Variants in PTPRN2 observed in about 807,000 individuals in gnomAD.
PTPRN2 encodes protein tyrosine phosphatase receptor type N2.
A neutral mutation model predicts 118.8 loss-of-function variants in PTPRN2; 74 were observed. The ratio of observed to expected loss-of-function variants is 0.62; its 90% CI spans 0.52 to 0.76. The LOEUF is 0.76. PTPRN2 is among the 30% of genes least tolerant of loss of function. The probability of loss-of-function intolerance (pLI) is 0.00; values close to 1 mark genes in which losing one functional copy is unlikely to be tolerated. For synonymous variants in PTPRN2, 641 were observed against 608.0 expected, an observed-to-expected ratio of 1.05 and a Z score of -0.80; for missense variants, 1,481 against 1,394.4, an observed-to-expected ratio of 1.06 and a Z score of -0.99.
chr7:158,340,402 ACCCGC>A (rs1806461927), intron 2 of PTPRN2, among the ~76,000 whole-genome samples: 1 of 64,594 alleles, frequency 1.5e-5, no homozygotes. Flanking sequence ...AAGAGCTGAC[ACCCGC>A]AGACGTCACT....
intron 2 of PTPRN2, among the ~76,000 whole-genome samples, chr7:158,379,207 C>T (rs975804357): frequency 2.6e-5 from 4 of 152,180 alleles, no homozygotes; most frequent in Non-Finnish European, 4.4e-5. Context: ...GTAGGATGCT[C>T]CCTCCAGCAG....
intron 11 of PTPRN2, among the ~76,000 whole-genome samples, chr7:157,927,190 C>G (rs1352847471): frequency 2.0e-5 from 2 of 101,446 alleles, no homozygotes; most frequent in East Asian, 3.0e-4. Flanking sequence ...GGCCTCGCGT[C>G]TTCTGGGACC....
At chr7:158,270,592 G>T (rs1798247078) in intron 3 of PTPRN2, among the ~76,000 whole-genome samples, 1 of 152,088 alleles carries the variant, frequency 6.6e-6, no homozygotes, top group South Asian at 2.1e-4. Context: ...AGGGGAAACT[G>T]AGTCCTTTCA....
intron 6 of PTPRN2, among the ~76,000 whole-genome samples, chr7:158,156,547 C>T (rs1325803205): frequency 6.6e-6 from 1 of 152,232 alleles, no homozygotes; most frequent in Admixed American, 6.5e-5. Context: ...GTAATGGGAA[C>T]AGTTACCTCG....
intron 12 of PTPRN2, among the ~76,000 whole-genome samples, chr7:157,829,398 C>T (rs978922298): frequency 2.6e-5 from 4 of 152,202 alleles, no homozygotes; most frequent in Non-Finnish European, 4.4e-5. Flanking sequence ...TCATCTGGGG[C>T]GCTCTTTTTG....
At chr7:158,269,544 A>AT (rs2150955402) in intron 3 of PTPRN2, among the ~76,000 whole-genome samples, 1 of 152,346 alleles carries the variant, frequency 6.6e-6, no homozygotes, top group South Asian at 2.1e-4. Context: ...ACTATTTGGC[A>AT]TTTTCAAATC....
rs141149619 is a variant in PTPRN2 at position 158,167,066 on chromosome 7, C to T, written c.775G>A (p.Gly259Arg). Residue 259 changes from glycine to arginine, a missense_variant, in exon 6 of 23, where the codon GGG becomes AGG. Physicochemically the swap from Gly to Arg is moderately radical, Grantham distance 125 (BLOSUM62 -2). Transcript: ENST00000389418. ...YAAQRPPAPP[G>R]EGSLEPQYLL... ...TACTGTGGCTCCAGGCTGCCCTCCC[C>T]GGGGGGAGCTGGGGGCCTCTGGGCA... is the stretch of plus-strand genomic sequence containing the variant. 6.6e-5 allele frequency: 105 copies of T among 1,591,748 alleles called. No individual in the cohort carries two copies. In the African/African-American group the frequency reaches 8.2e-4, roughly 12 times the overall value.
At chr7:157,795,727 G>A (rs1804827662) in intron 12 of PTPRN2, among the ~76,000 whole-genome samples, 1 of 152,258 alleles carries the variant, frequency 6.6e-6, no homozygotes, top group African/African-American at 2.4e-5. Flanking sequence ...CTCATCCCCA[G>A]AGGGTTCCTG....
rs1275467844 is a variant in PTPRN2 at position 158,160,541 on chromosome 7, C to T, written c.910+6390G>A. Reference sequence around the variant, plus strand: ...ACTTCCTCAATAAATGAAGAATGTCCTTTTTGTACATCTGCATTTGCGAAA... The same window carrying T: ...ACTTCCTCAATAAATGAAGAATGTCTTTTTTGTACATCTGCATTTGCGAAA... On this transcript the variant is annotated intron_variant, in intron 6 of 22. Transcript: ENST00000389418. 5.9e-5 allele frequency among the ~76,000 whole-genome samples: 9 copies of T among 152,144 alleles called. No individual in the cohort carries two copies. In the East Asian group the frequency reaches 1.2e-3, roughly 20 times the overall value.
At position 158,417,695 on chromosome 7, in the gene PTPRN2, C is replaced by T. The variant is rs545280972; in HGVS notation, c.163+72040G>A. ...TGTGTTAAGTCACGGTGTACTACAT[C>T]GAGATGCTCTAGCTCTCAGTGTCCC... On this transcript the variant is annotated intron_variant, in intron 2 of 22. Coordinates refer to ENST00000389418, the MANE Select transcript of PTPRN2 (RefSeq NM_002847.5). 1.1e-3 allele frequency among the ~76,000 whole-genome samples: 146 copies of T among 137,594 alleles called. 1 individual carries two copies. The highest frequency in any genetic ancestry group is 2.4e-3 in the African/African-American group (85 of 35,928). The allele number at this position is 137,594 out of a possible 152,430, so 90.3% of individuals were successfully genotyped here.
At chr7:158,214,001 T>C (rs1256691176) in intron 3 of PTPRN2, among the ~76,000 whole-genome samples, 2 of 152,154 alleles carry the variant, frequency 1.3e-5, no homozygotes, top group Non-Finnish European at 2.9e-5. Flanking sequence ...CAGAATCATC[T>C]GTACTGGGCA....
rs1021696262 is a variant in PTPRN2 at position 158,438,327 on chromosome 7, G to A, written c.163+51408C>T. Among the ~76,000 whole-genome samples, 3 of 151,546 alleles carry A rather than the reference G, an allele frequency of 2.0e-5. No individual in the cohort carries two copies. Among genetic ancestry groups the A allele is most frequent in the African/African-American group, 7.3e-5 (3 of 41,180 alleles). On this transcript the variant is annotated intron_variant, in intron 2 of 22. Transcript: ENST00000389418. The surrounding 1 kb of genome is among the most constrained non-coding windows in gnomAD (Gnocchi z 4.7). The stretch of plus-strand genomic sequence containing the variant: ...GGGAGGCAGAAGTTGCAGTGCCACT[G>A]CACTCCAACCTGGGCAACAGAGTGG...
At chr7:158,005,642 G>A (rs955465680) in intron 11 of PTPRN2, among the ~76,000 whole-genome samples, 8 of 152,184 alleles carry the variant, frequency 5.3e-5, no homozygotes, top group African/African-American at 1.9e-4. Context: ...GCAGGGGGAG[G>A]TGCAGGGCAG....
chr7:158,362,372 T>A (rs533023079), intron 2 of PTPRN2, among the ~76,000 whole-genome samples: 1 of 136,294 alleles, frequency 7.3e-6, no homozygotes, highest in Non-Finnish European at 1.6e-5. Context: ...AAGAAAAAAA[T>A]GTCCACAACT....
rs117229408 is a variant in PTPRN2, at chr7:157,910,218, C to T, written c.1724-11481G>A. Among the ~76,000 whole-genome samples the T allele has an allele frequency of 0.011, 1,667 of 151,826 alleles. 132 individuals carry two copies. The East Asian group carries it at 0.23, about 21-fold the overall frequency. On this transcript the variant is annotated intron_variant, in intron 11 of 22. Transcript: ENST00000389418. The stretch of plus-strand genomic sequence containing the variant: ...GAATGCGTGCAGGATCACGCACGTA[C>T]ACCGTGGGAACGGGCGCAGGATCAC...
At chr7:158,025,853 G>A (rs1807222804) in intron 11 of PTPRN2, among the ~76,000 whole-genome samples, 1 of 152,254 alleles carries the variant, frequency 6.6e-6, no homozygotes, top group African/African-American at 2.4e-5. Flanking sequence ...GAGCCCGGCA[G>A]ACAATTCCAA....
intron 12 of PTPRN2, among the ~76,000 whole-genome samples, chr7:157,866,635 G>C (rs1810690336): frequency 6.6e-6 from 1 of 152,048 alleles, no homozygotes; most frequent in South Asian, 2.1e-4. Context: ...CCCAGCATGA[G>C]TGCCCAGCTC....
intron 3 of PTPRN2, among the ~76,000 whole-genome samples, chr7:158,263,093 T>G: frequency 8.5e-6 from 1 of 117,530 alleles, no homozygotes; most frequent in East Asian, 2.5e-4. Context: ...CCACACACAT[T>G]CACACACTGC....
intron 3 of PTPRN2, among the ~76,000 whole-genome samples, chr7:158,249,570 A>C (rs1796528491): frequency 6.6e-6 from 1 of 151,398 alleles, no homozygotes; most frequent in East Asian, 1.9e-4. Context: ...GCACACACAC[A>C]CCCTGCATGC....
Sources: allele counts gnomAD v4.1 joint callset (sites outside exome capture counted in the v4.1 genomes callset), GRCh38; gene constraint gnomAD v4.1.1; non-coding constraint Gnocchi (gnomAD v3.1); transcripts MANE v1.5; gene names NCBI Gene and HGNC (gene_info 2026-07-23, HGNC 2026-07-21).